OLFM3: variants seen among roughly 807,000 people sequenced by gnomAD.
OLFM3 encodes olfactomedin 3.
Under a neutral mutation model 48.6 loss-of-function variants are expected in OLFM3, and 20 were observed. That is an observed-to-expected ratio of 0.41 (90% CI 0.29 to 0.60). The LOEUF is 0.60. Ranked by LOEUF, OLFM3 falls within the 20% of genes least tolerant of loss-of-function variation. OLFM3 has a pLI of 0.28. For missense variants in OLFM3, 437 were observed against 544.3 expected (o/e 0.80, Z 1.96); for synonymous variants, 222 against 198.1 (o/e 1.12, Z -1.01).
intron 1 of OLFM3, among the ~76,000 whole-genome samples, chr1:101,891,282 T>G (rs1276799147): frequency 6.6e-6 from 1 of 151,972 alleles, no homozygotes; most frequent in Non-Finnish European, 1.5e-5. Flanking sequence ...GGGTTAAGCA[T>G]AGCAATTTAA....
At chr1:101,941,178 C>A (rs1263981700) in intron 1 of OLFM3, among the ~76,000 whole-genome samples, 1 of 152,038 alleles carries the variant, frequency 6.6e-6, no homozygotes, top group East Asian at 1.9e-4. Flanking sequence ...GAGGTCCATC[C>A]GAGAACAGAG....
At chr1:101,822,948 C>A (rs1235513895) in intron 4 of OLFM3, among the ~76,000 whole-genome samples, 1 of 151,888 alleles carries the variant, frequency 6.6e-6, no homozygotes, top group Non-Finnish European at 1.5e-5. Context: ...TCATGCCCTG[C>A]CATTTTGACT....
chr1:101,965,378 A>G (rs560717167), intron 1 of OLFM3, among the ~76,000 whole-genome samples: 7 of 152,346 alleles, frequency 4.6e-5, no homozygotes, highest in African/African-American at 1.7e-4. Context: ...TTTCTGGAGA[A>G]TTAGCTATTA....
intron 1 of OLFM3, among the ~76,000 whole-genome samples, chr1:101,970,278 A>G (rs1660744793): frequency 6.6e-6 from 1 of 152,190 alleles, no homozygotes; most frequent in Non-Finnish European, 1.5e-5. Context: ...TGGCCTCCCA[A>G]AGTGCTGGGA....
intron 4 of OLFM3, among the ~76,000 whole-genome samples, chr1:101,820,687 G>T (rs563291007): frequency 6.6e-6 from 1 of 151,898 alleles, no homozygotes; most frequent in Non-Finnish European, 1.5e-5. Flanking sequence ...TGATTCCTTC[G>T]GGATCTTATT....
intron 1 of OLFM3, among the ~76,000 whole-genome samples, chr1:101,986,257 C>G (rs915126234): frequency 6.6e-6 from 1 of 152,106 alleles, no homozygotes; most frequent in African/African-American, 2.4e-5. Flanking sequence ...AGCCACTGAG[C>G]CCGGCCTGAA....
intron 1 of OLFM3, among the ~76,000 whole-genome samples, chr1:101,922,807 C>T (rs1047759282): frequency 3.3e-5 from 5 of 152,086 alleles, no homozygotes; most frequent in Admixed American, 6.6e-5. Flanking sequence ...GTAAACTTGC[C>T]TTTTAAATCA....
At chr1:101,965,969 T>G (rs75304205) in intron 1 of OLFM3, among the ~76,000 whole-genome samples, 2,320 of 152,200 alleles carry the variant, frequency 0.015, 55 homozygotes, top group African/African-American at 0.052. Flanking sequence ...ATTCTCGGCC[T>G]TTGCCCAAAG....
intron 1 of OLFM3, among the ~76,000 whole-genome samples, chr1:101,863,176 G>A (rs936997194): frequency 6.6e-6 from 1 of 152,090 alleles, no homozygotes; most frequent in Non-Finnish European, 1.5e-5. Context: ...GGGCCGTGCT[G>A]GTCTCGAACT....
intron 1 of OLFM3, among the ~76,000 whole-genome samples, chr1:101,996,364 G>A (rs185132196): frequency 6.6e-6 from 1 of 152,196 alleles, no homozygotes; most frequent in East Asian, 1.9e-4. Flanking sequence ...ACAAAGAAAC[G>A]GTTCACCATG....
intron 1 of OLFM3, among the ~76,000 whole-genome samples, chr1:101,862,100 G>A (rs191196605): frequency 2.5e-3 from 387 of 152,274 alleles, no homozygotes; most frequent in Non-Finnish European, 4.5e-3. Context: ...AGTGGACTCT[G>A]GATTCTGTTT....
At chr1:101,824,799 T>C (rs1203956959) in intron 4 of OLFM3, among the ~76,000 whole-genome samples, 1 of 152,160 alleles carries the variant, frequency 6.6e-6, no homozygotes, top group Non-Finnish European at 1.5e-5. Flanking sequence ...GATTACTTAT[T>C]TGAAGCCACC....
At chr1:101,853,708 G>C (rs903461469) in intron 1 of OLFM3, among the ~76,000 whole-genome samples, 1 of 152,066 alleles carries the variant, frequency 6.6e-6, no homozygotes, top group African/African-American at 2.4e-5. Flanking sequence ...ATACAGTACA[G>C]CTTATTCTTG....
chr1:101,830,584 C>A, intron 3 of OLFM3, 88 bp downstream of exon 3: 2 of 1,383,530 alleles, frequency 1.4e-6, no homozygotes, highest in Non-Finnish European at 2.1e-6. Flanking sequence ...TGGGCCAATG[C>A]ACATTCATTT....
At chr1:101,961,266 A>G (rs1660458768) in intron 1 of OLFM3, among the ~76,000 whole-genome samples, 1 of 152,070 alleles carries the variant, frequency 6.6e-6, no homozygotes, top group African/African-American at 2.4e-5. Context: ...AATTATATAT[A>G]ATGTTACATT....
At chr1:101,927,234 T>C (rs940474417) in intron 1 of OLFM3, among the ~76,000 whole-genome samples, 2 of 152,262 alleles carry the variant, frequency 1.3e-5, no homozygotes, top group South Asian at 4.1e-4. Flanking sequence ...AATGGTTTGA[T>C]ATAAAATGTC....
chr1:101,957,839 G>C lies in OLFM3; in HGVS notation c.69+38909C>G, dbSNP rs990826778. ...AATAAGGAAGTGAGAATGGAAATTA[G>C]AGAAACTGTAGACAATACTTTCTTC... On this transcript the variant is annotated intron_variant, in intron 1 of 5. Transcript: ENST00000370103. Among the ~76,000 whole-genome samples, 18 of 152,006 alleles carry C rather than the reference G, an allele frequency of 1.2e-4. 1 individual carries two copies. Among genetic ancestry groups the C allele is most frequent in the African/African-American group, 4.3e-4 (18 of 41,418 alleles).
Position 101,804,857 on chromosome 1 carries a change from G to A in OLFM3, c.758C>T (p.Ala253Val), listed in dbSNP as rs773281399. ...TGATTCAGCCCCACTGACAAAGTCT[G>A]CAATTGATTTGTATTCACGAACAAT... ...NKIVREYKSIADFVSGAESRT... is the reference protein window; with the variant it reads ...NKIVREYKSIVDFVSGAESRT... The change falls in exon 6 of 6, where the codon GCA becomes GTA. Residue 253 changes from alanine (A) to valine (V), a missense_variant. By Grantham distance (64) the Ala-to-Val change is moderately conservative (BLOSUM62 0). Transcript: ENST00000370103. The surrounding 1 kb of genome is among the most constrained non-coding windows in gnomAD (Gnocchi z 4.5). The A allele has an allele frequency of 3.1e-6, 5 of 1,612,278 alleles. No individual in the cohort carries two copies. The South Asian group carries it at 4.4e-5, about 14-fold the overall frequency.
chr1:101,849,496 T>A (rs1287192288), intron 1 of OLFM3, among the ~76,000 whole-genome samples: 1 of 152,230 alleles, frequency 6.6e-6, no homozygotes, highest in Non-Finnish European at 1.5e-5. Flanking sequence ...TTGGACTTTA[T>A]CTTCTATGTA....
Sources: gnomAD v4.1 joint callset for allele counts (sites outside exome capture counted in the v4.1 genomes callset) on GRCh38, gnomAD v4.1.1 for gene constraint, Gnocchi (gnomAD v3.1) non-coding constraint, MANE v1.5 for transcripts, NCBI Gene and HGNC (gene_info 2026-07-23, HGNC 2026-07-21) for gene names.